Variants in ITGA2B observed in about 807,000 individuals in gnomAD.
ITGA2B encodes integrin subunit alpha 2b.
Under a neutral mutation model 142.0 loss-of-function variants are expected in ITGA2B, and 91 were observed. That is an observed-to-expected ratio of 0.64 (90% confidence interval 0.54 to 0.76). The LOEUF (loss-of-function observed/expected upper bound fraction) is 0.76, where lower values mean the gene tolerates loss of function less well. Among genes scored for constraint, ITGA2B ranks in the 30% least tolerant of loss-of-function variants. The pLI, the probability that ITGA2B is intolerant of heterozygous loss-of-function variation, is 0.00. For synonymous variants in ITGA2B, 536 were observed against 567.2 expected (o/e 0.94, Z 0.78); for missense variants, 1,231 against 1,350.8 (o/e 0.91, Z 1.39).
At chr17:44,380,182 C>T (rs1270705572) in intron 16 of ITGA2B, 29 bp from the exon 17 acceptor site, 1 of 1,613,902 alleles carries the variant, frequency 6.2e-7, no homozygotes, top group Non-Finnish European at 8.5e-7. Context: ...GAGTCAGGAC[C>T]TCCCTGGCCA....
chr17:44,380,142 C>T lies in ITGA2B; in HGVS notation c.1612G>A (p.Glu538Lys), dbSNP rs780837520. ...GGCTTCTGCCGGTCCAGCTGCAGCTCGGCATTTAGGGCTGGCAGGGCAAGC... is the reference window on the plus strand; with the variant it reads ...GGCTTCTGCCGGTCCAGCTGCAGCTTGGCATTTAGGGCTGGCAGGGCAAGC... ...NIPQKLSLNA[E>K]LQLDRQKPRQ... Residue 538 changes from glutamate to lysine, a missense_variant, in exon 17 of 30, where the codon GAG (glutamate) becomes AAG (lysine). By Grantham distance (56) the Glu-to-Lys change is moderately conservative. This residue lies in a region of ITGA2B where 908 missense variants were observed against 1,021.1 expected (regional missense o/e 0.89). Transcript: ENST00000262407. 2.9e-5 allele frequency: 46 copies of T among 1,613,672 alleles called. No homozygotes were observed. Among genetic ancestry groups the T allele is most frequent in the African/African-American group, 5.3e-5 (4 of 74,884 alleles).
In ITGA2B at chr17:44,385,743, C is replaced by G. The variant is rs1217689024; in HGVS notation, c.409-27G>C. 2.5e-6 allele frequency: 4 copies of G among 1,613,362 alleles called. No individual in the cohort carries two copies. The South Asian group carries it at 4.4e-5, about 18-fold the overall frequency. ...TGGAGAAAGGCCACAGGAGTGGGGA[C>G]GGGCGCGAGACTTGGGCTCCTCCTG... On this transcript the variant is annotated intron_variant, in intron 3 of 29. Transcript: ENST00000262407.
intron 21 of ITGA2B, among the ~76,000 whole-genome samples, chr17:44,377,389 T>A (rs2048554587): frequency 6.6e-6 from 1 of 151,512 alleles, no homozygotes; most frequent in South Asian, 2.1e-4. Flanking sequence ...AGAGACGGGG[T>A]TTTGCTATGT....
intron 21 of ITGA2B, among the ~76,000 whole-genome samples, chr17:44,377,489 A>G (rs1172824667): frequency 6.6e-6 from 1 of 152,086 alleles, no homozygotes; most frequent in Non-Finnish European, 1.5e-5. Context: ...CCACCGCACC[A>G]GGCCACCATT....
At chr17:44,388,818 C>CTTTTTTTTTTTTTTT (rs758076614) in intron 1 of ITGA2B, among the ~76,000 whole-genome samples, 2 of 132,180 alleles carry the variant, frequency 1.5e-5, no homozygotes. Flanking sequence ...TGCCTGGTCT[C>CTTTTTTTTTTTTTTT]TTTTTTTTTT....
chr17:44,380,261 T>G lies in ITGA2B; in HGVS notation c.1585A>C (p.Ile529Leu), dbSNP rs138393499. 160 of 1,614,174 alleles carry G rather than the reference T, an allele frequency of 9.9e-5. 1 individual carries two copies. The African/African-American group carries it at 1.9e-3, about 19-fold the overall frequency. The change falls in exon 16 of 30, where the codon ATT becomes CTT. Residue 529 changes from isoleucine (I) to leucine (L), a missense_variant. By Grantham distance (5) the Ile-to-Leu change is conservative. This residue lies in a region of ITGA2B where 908 missense variants were observed against 1,021.1 expected (regional missense o/e 0.89). Coordinates refer to ENST00000262407, the MANE Select transcript of ITGA2B (RefSeq NM_000419.5). ...TGCCACTCACATAGCTTCTGAGGAA[T>G]GTTGTGCCCAGTGGCTCCAACACAC... Reference protein sequence around the residue: ...QMCVGATGHNIPQKLSLNAEL... With the variant: ...QMCVGATGHNLPQKLSLNAEL...
intron 1 of ITGA2B, among the ~76,000 whole-genome samples, chr17:44,388,351 C>CTTTTTT (rs35720866): frequency 1.7e-4 from 17 of 97,356 alleles, no homozygotes; most frequent in Non-Finnish European, 2.7e-4. Context: ...CATTTCCTTT[C>CTTTTTT]TTTTTTTTTT....
chr17:44,379,840 A>G (rs774983872), intron 17 of ITGA2B, 26 bp from the exon 18 acceptor site: 5 of 1,613,564 alleles, frequency 3.1e-6, no homozygotes, highest in Admixed American at 3.3e-5. Flanking sequence ...GAGTCAGGCC[A>G]TCTTGCTACC....
At chr17:44,385,239 G>T (rs769860736) in intron 5 of ITGA2B, 30 bp from the exon 6 acceptor site, 104 of 1,613,792 alleles carry the variant, frequency 6.4e-5, no homozygotes, top group Non-Finnish European at 8.1e-5. Context: ...GGTGAGAGGG[G>T]GCCCTGTTTG....
At chr17:44,374,958 C>T (rs2048526722) in intron 27 of ITGA2B, 40 bp downstream of exon 27, 1 of 1,464,932 alleles carries the variant, frequency 6.8e-7, no homozygotes. Context: ...GTGGTCCCCG[C>T]CCAGAAGGCC....
chr17:44,375,283 T>C (rs1486207870), intron 26 of ITGA2B, 172 bp from the exon 27 acceptor site: 6 of 682,290 alleles, frequency 8.8e-6, no homozygotes, highest in Non-Finnish European at 1.3e-5. Flanking sequence ...TCCACGGGCT[T>C]GCTCACATAG....
At chr17:44,378,210 A>G in intron 20 of ITGA2B, 152 bp downstream of exon 20, 1 of 1,066,118 alleles carries the variant, frequency 9.4e-7, no homozygotes, top group Non-Finnish European at 1.3e-6. Flanking sequence ...GCCATTAGCA[A>G]GTATTCCTCC....
chr17:44,380,703 A>T (rs1367287156), intron 13 of ITGA2B, 58 bp from the exon 14 acceptor site: 13 of 1,607,504 alleles, frequency 8.1e-6, no homozygotes, highest in Non-Finnish European at 1.1e-5. Flanking sequence ...TCCTCATCTC[A>T]TCTTCCCAGG....
Position 44,389,631 on chromosome 17 carries a change from G to C in ITGA2B, c.-158C>G. 1.2e-6 allele frequency: 1 copy of C among 805,976 alleles called. No individual in the cohort carries two copies. Among genetic ancestry groups the C allele is most frequent in the Non-Finnish European group, 1.9e-6 (1 of 512,912 alleles). The allele number at this position is 805,976 out of a possible 1,614,324, so 49.9% of individuals were successfully genotyped here. A position where few individuals can be genotyped will look rare whatever the true frequency, so the allele number is the denominator to read the frequency against. On this transcript the variant is annotated 5_prime_UTR_variant, in exon 1 of 30. Transcript: ENST00000262407. Reference sequence around the variant, plus strand: ...GGCTATAGCCCCTGGACTCATGGTGGCTAGAATTGCCAGGAAGTGGGTGAG... The same window carrying C: ...GGCTATAGCCCCTGGACTCATGGTGCCTAGAATTGCCAGGAAGTGGGTGAG...
At chr17:44,377,531 G>C (rs1401592515) in intron 21 of ITGA2B, among the ~76,000 whole-genome samples, 167 bp downstream of exon 21, 1 of 152,168 alleles carries the variant, frequency 6.6e-6, no homozygotes, top group Non-Finnish European at 1.5e-5. Context: ...AGCCCACTGG[G>C]TAAAGGGGCT....
chr17:44,376,477 A>G, intron 22 of ITGA2B, 89 bp from the exon 23 acceptor site: 1 of 1,185,650 alleles, frequency 8.4e-7, no homozygotes, highest in Non-Finnish European at 1.3e-6. Context: ...GAGAGTTCAG[A>G]GAGAGCTAAT....
Position 44,380,118 on chromosome 17 carries a change from G to C in ITGA2B, c.1636C>G (p.Pro546Ala), listed in dbSNP as rs777249501. 1 of 1,613,894 alleles carries C rather than the reference G, an allele frequency of 6.2e-7. No individual in the cohort carries two copies. Among genetic ancestry groups the C allele is most frequent in the Non-Finnish European group, 8.5e-7 (1 of 1,179,986 alleles). ...AGCAGCACCCGCCGGCCCTGGCGGG[G>C]CTTCTGCCGGTCCAGCTGCAGCTCG... ...NAELQLDRQKPRQGRRVLLLG... is the reference protein window; with the variant it reads ...NAELQLDRQKARQGRRVLLLG... The change falls in exon 17 of 30, where the codon CCC becomes GCC. Residue 546 changes from proline to alanine, a missense_variant. By Grantham distance (27) the Pro-to-Ala change is conservative. Coordinates refer to ENST00000262407, the MANE Select transcript of ITGA2B (RefSeq NM_000419.5).
At position 44,372,367 on chromosome 17, in the gene ITGA2B, C is replaced by T. The variant is rs1216930450; in HGVS notation, c.3117G>A (p.Glu1039=). The T allele has an allele frequency of 2.5e-6, 4 of 1,614,122 alleles. No homozygotes were observed. The Admixed American group carries it at 6.7e-5, about 27-fold the overall frequency. ...TAGAATAGTGTAGGCTGCACCATCA[C>T]TCCCCCTCTTCATCATCTTCTTCCA... is the stretch of plus-strand genomic sequence containing the variant. ...PPLEEDDEEG[E] is the part of the protein sequence containing the mutation. The change falls in exon 30 of 30, where the codon GAG becomes GAA. Residue 1039 remains glutamate (E), a synonymous_variant. Transcript: ENST00000262407.
chr17:44,372,200 T>G lies in ITGA2B; in HGVS notation c.*164A>C. On this transcript the variant is annotated 3_prime_UTR_variant, in exon 30 of 30. Coordinates refer to ENST00000262407, the MANE Select transcript of ITGA2B (RefSeq NM_000419.5). ...TCAGCATCAGGGCTCAGTCTCTTTATTAGGCAGCAGGAGGGGGGGTAGCCC... is the reference window on the plus strand; with the variant it reads ...TCAGCATCAGGGCTCAGTCTCTTTAGTAGGCAGCAGGAGGGGGGGTAGCCC... The G allele has an allele frequency of 1.5e-6, 1 of 688,074 alleles. No homozygotes were observed. The highest frequency in any genetic ancestry group is 2.6e-6 in the Non-Finnish European group (1 of 386,554). 42.6% of individuals were successfully genotyped at this position (688,074 alleles called of 1,614,324 possible). A position where few individuals can be genotyped will look rare whatever the true frequency, so the allele number is the denominator to read the frequency against.
Sources: gnomAD v4.1 joint callset for allele counts (sites outside exome capture counted in the v4.1 genomes callset) on GRCh38, gnomAD v4.1.1 for gene constraint, gnomAD v4.1.1 regional missense constraint, MANE v1.5 for transcripts, NCBI Gene and HGNC (gene_info 2026-07-23, HGNC 2026-07-21) for gene names.